NCKAP5: variants seen among roughly 807,000 people sequenced by gnomAD.
The protein encoded by NCKAP5 is NCK associated protein 5.
NCKAP5 carries 92 observed loss-of-function variants against 167.0 expected under a neutral mutation model. The observed-to-expected ratio is 0.55, with a 90% CI of 0.47 to 0.66. The LOEUF is 0.66. NCKAP5 is among the 30% of genes least tolerant of loss of function. The pLI is 0.00. For missense variants in NCKAP5, 2,378 were observed against 2,315.0 expected (o/e 1.03, Z -0.56); for synonymous variants, 891 against 877.4 (o/e 1.02, Z -0.27).
At chr2:132,761,470 A>G (rs922453138) in intron 16 of NCKAP5, among the ~76,000 whole-genome samples, 4 of 152,220 alleles carry the variant, frequency 2.6e-5, no homozygotes, top group African/African-American at 4.8e-5. Context: ...TCTTGCTCCT[A>G]TGGATTCTGG....
At chr2:132,944,718 C>T (rs1372135505) in intron 8 of NCKAP5, among the ~76,000 whole-genome samples, 1 of 152,182 alleles carries the variant, frequency 6.6e-6, no homozygotes, top group Non-Finnish European at 1.5e-5. Flanking sequence ...GAAGAAACTA[C>T]TGTTCTATGC....
intron 5 of NCKAP5, among the ~76,000 whole-genome samples, chr2:133,200,022 C>A (rs1164550012): frequency 1.3e-5 from 2 of 148,690 alleles, no homozygotes; most frequent in Non-Finnish European, 3.0e-5. Context: ...CCATTCAATG[C>A]AATTCCTATC....
chr2:132,916,963 G>T (rs1694931041), intron 8 of NCKAP5, among the ~76,000 whole-genome samples: 1 of 152,194 alleles, frequency 6.6e-6, no homozygotes, highest in South Asian at 2.1e-4. Flanking sequence ...TGATGGAAGT[G>T]CCAGAGTGGA....
chr2:132,920,769 A>ATATATATG (rs1558943228), intron 8 of NCKAP5, among the ~76,000 whole-genome samples: 56 of 31,940 alleles, frequency 1.8e-3, no homozygotes, highest in Non-Finnish European at 1.4e-4. Context: ...ATATATATGT[A>ATATATATG]TGTATATATA....
intron 4 of NCKAP5, among the ~76,000 whole-genome samples, chr2:133,299,015 C>A (rs1333528732): frequency 6.6e-6 from 1 of 151,356 alleles, no homozygotes; most frequent in Non-Finnish European, 1.5e-5. Context: ...TACCCTAGAA[C>A]TTAAAGTATA....
chr2:133,330,981 C>G (rs1574719315), intron 3 of NCKAP5, among the ~76,000 whole-genome samples: 1 of 152,154 alleles, frequency 6.6e-6, no homozygotes, highest in Non-Finnish European at 1.5e-5. Context: ...TACATGCACA[C>G]ACACTCCCAC....
intron 11 of NCKAP5, among the ~76,000 whole-genome samples, chr2:132,799,631 T>G (rs1283092926): frequency 6.6e-6 from 1 of 152,164 alleles, no homozygotes; most frequent in Non-Finnish European, 1.5e-5. Flanking sequence ...GGTAGGTAAC[T>G]TCTTAGATAA....
At chr2:132,951,334 GA>G (rs142928079) in intron 8 of NCKAP5, among the ~76,000 whole-genome samples, 3,699 of 152,224 alleles carry the variant, frequency 0.024, 150 homozygotes, top group African/African-American at 0.083. Context: ...TTTAAATCTA[GA>G]AAGTTCAATT....
chr2:132,877,486 G>T (rs973723374), intron 9 of NCKAP5, among the ~76,000 whole-genome samples: 5 of 152,140 alleles, frequency 3.3e-5, no homozygotes, highest in Admixed American at 6.5e-5. Context: ...TTGACACATA[G>T]GTCGCTGAGC....
At chr2:132,770,372 GTATATAT>G (rs1018658315) in intron 16 of NCKAP5, among the ~76,000 whole-genome samples, 8 of 146,848 alleles carry the variant, frequency 5.4e-5, no homozygotes, top group African/African-American at 2.0e-4. Context: ...ATTATATATT[GTATATAT>G]TATATATTAT....
intron 7 of NCKAP5, among the ~76,000 whole-genome samples, chr2:132,977,495 G>C (rs1450923584): frequency 6.6e-6 from 1 of 152,034 alleles, no homozygotes; most frequent in Admixed American, 6.6e-5. Flanking sequence ...GCCATAAATA[G>C]TTGTCTTCCC....
At chr2:132,836,260 T>C (rs1687878170) in intron 11 of NCKAP5, among the ~76,000 whole-genome samples, 1 of 152,172 alleles carries the variant, frequency 6.6e-6, no homozygotes, top group Non-Finnish European at 1.5e-5. Flanking sequence ...ATTTCTTGTT[T>C]CCCTTTCCTA....
chr2:133,356,363 G>A (rs1305060283), intron 3 of NCKAP5, among the ~76,000 whole-genome samples: 1 of 152,210 alleles, frequency 6.6e-6, no homozygotes, highest in Non-Finnish European at 1.5e-5. Context: ...CCCTGTCTGT[G>A]CAGAGATAGT....
At chr2:132,708,780 G>A (rs1372655193) in intron 19 of NCKAP5, among the ~76,000 whole-genome samples, 6 of 152,160 alleles carry the variant, frequency 3.9e-5, no homozygotes, top group South Asian at 2.1e-4. Flanking sequence ...TGTTGTCTTC[G>A]TATTAGTCCA....
the NCKAP5 span, among the ~76,000 whole-genome samples, chr2:133,669,305 C>G: frequency 6.6e-6 from 1 of 152,066 alleles, no homozygotes; most frequent in Admixed American, 6.5e-5. Flanking sequence ...TTCCTGAGTT[C>G]TAGAAACATT....
intron 5 of NCKAP5, among the ~76,000 whole-genome samples, chr2:133,178,577 G>A (rs902720031): frequency 7.6e-5 from 10 of 131,324 alleles, no homozygotes; most frequent in Non-Finnish European, 1.6e-4. Flanking sequence ...TGTAATCCCA[G>A]AACTTTGGGA....
At chr2:133,250,211 T>C (rs112787400) in intron 4 of NCKAP5, among the ~76,000 whole-genome samples, 128 of 152,046 alleles carry the variant, frequency 8.4e-4, no homozygotes, top group African/African-American at 2.9e-3. Flanking sequence ...TACCTATTAA[T>C]CCACAGCTAT....
intron 3 of NCKAP5, among the ~76,000 whole-genome samples, chr2:133,468,237 C>T (rs1220625010): frequency 7.1e-6 from 1 of 140,044 alleles, no homozygotes; most frequent in Non-Finnish European, 1.5e-5. Flanking sequence ...TTTCAAAGAA[C>T]ATTTTTATTT....
intron 3 of NCKAP5, among the ~76,000 whole-genome samples, chr2:133,401,591 G>A (rs1197270072): frequency 6.6e-6 from 1 of 152,198 alleles, no homozygotes; most frequent in Non-Finnish European, 1.5e-5. Context: ...GGTCATGGGT[G>A]TGTGAAAAAC....
Sources: allele counts gnomAD v4.1 joint callset (sites outside exome capture counted in the v4.1 genomes callset), GRCh38; gene constraint gnomAD v4.1.1; transcripts MANE v1.5; gene names NCBI Gene and HGNC (gene_info 2026-07-23, HGNC 2026-07-21).